The following CNTLN variants were observed in gnomAD, a reference collection of about 807,000 sequenced individuals.
CNTLN encodes centlein, also known as centlein, centrosomal protein.
A neutral mutation model predicts 180.0 loss-of-function variants in CNTLN; 212 were observed. The observed-to-expected ratio is 1.18, with a 90% CI of 1.05 to 1.32. The LOEUF (loss-of-function observed/expected upper bound fraction) is 1.32, where lower values mean the gene tolerates loss of function less well. CNTLN is among the 40% of genes most tolerant of loss of function. The pLI, the probability that CNTLN is intolerant of heterozygous loss-of-function variation, is 0.00. For missense variants in CNTLN, 2,095 were observed against 1,610.9 expected (o/e 1.30, Z -5.14); for synonymous variants, 722 against 563.1 (o/e 1.28, Z -3.99).
intron 15 of CNTLN, among the ~76,000 whole-genome samples, chr9:17,402,907 A>T (rs1416595514): frequency 6.6e-6 from 1 of 151,688 alleles, no homozygotes; most frequent in Non-Finnish European, 1.5e-5. Flanking sequence ...AAAGATATAT[A>T]CGTGCATGCA....
chr9:17,367,304 A>G, intron 13 of CNTLN, among the ~76,000 whole-genome samples: 1 of 152,200 alleles, frequency 6.6e-6, no homozygotes, highest in Admixed American at 6.5e-5. Flanking sequence ...GAGCATTTAG[A>G]CCAGACCTGT....
At chr9:17,337,203 A>G (rs1449830814) in intron 10 of CNTLN, among the ~76,000 whole-genome samples, 2 of 151,882 alleles carry the variant, frequency 1.3e-5, no homozygotes, top group Non-Finnish European at 2.9e-5. Context: ...TAGATTCTGG[A>G]TATTAGCCCT....
chr9:17,380,685 A>G (rs940610147), intron 13 of CNTLN, among the ~76,000 whole-genome samples: 5 of 152,198 alleles, frequency 3.3e-5, no homozygotes, highest in African/African-American at 1.2e-4. Flanking sequence ...CAAGTGCATG[A>G]ATATGTTCAC....
At chr9:17,470,502 A>T (rs936980112) in intron 23 of CNTLN, among the ~76,000 whole-genome samples, 4 of 151,894 alleles carry the variant, frequency 2.6e-5, no homozygotes, top group African/African-American at 9.7e-5. Flanking sequence ...ATAGGGCGCA[A>T]CCAGATTATG....
At chr9:17,238,579 A>G (rs1825296071) in intron 5 of CNTLN, among the ~76,000 whole-genome samples, 1 of 152,204 alleles carries the variant, frequency 6.6e-6, no homozygotes, top group Non-Finnish European at 1.5e-5. Flanking sequence ...ACAGAATCAT[A>G]TGCCTTTGTC....
At chr9:17,488,366 G>A (rs959340662) in intron 25 of CNTLN, among the ~76,000 whole-genome samples, 5 of 152,106 alleles carry the variant, frequency 3.3e-5, no homozygotes, top group Non-Finnish European at 5.9e-5. Flanking sequence ...GGTACTCCCA[G>A]AACCTAGCTC....
the CNTLN span, among the ~76,000 whole-genome samples, chr9:17,510,135 G>T: frequency 6.6e-6 from 1 of 152,100 alleles, no homozygotes; most frequent in Middle Eastern, 3.2e-3. Flanking sequence ...ATTCAGGACT[G>T]CTAATGGCCC....
intron 8 of CNTLN, among the ~76,000 whole-genome samples, chr9:17,323,954 C>T (rs1283512306): frequency 2.0e-5 from 3 of 152,080 alleles, no homozygotes; most frequent in Non-Finnish European, 4.4e-5. Flanking sequence ...CCTGGCTTCA[C>T]ATAAACACAG....
intron 18 of CNTLN, among the ~76,000 whole-genome samples, chr9:17,435,233 GTTGT>G (rs2134005182): frequency 6.6e-6 from 1 of 152,178 alleles, no homozygotes; most frequent in South Asian, 2.1e-4. Flanking sequence ...TTTTTTGGTT[GTTGT>G]TTGTTTCTAA....
chr9:17,465,988 C>T lies in CNTLN; in HGVS notation c.3539C>T (p.Thr1180Ile), dbSNP rs1246164605. 2 of 1,601,004 alleles carry T rather than the reference C, an allele frequency of 1.2e-6. No individual in the cohort carries two copies. Among genetic ancestry groups the T allele is most frequent in the South Asian group, 2.2e-5 (2 of 89,814 alleles). ...MLQNLDKKVK[T>I]LTEECSNKKV... ...TTTATGCTTTTAATGTAGGTAAAGA[C>T]ATTAACTGAAGAATGTTCCAACAAG... Residue 1180 changes from threonine (T) to isoleucine (I), a missense_variant, in exon 22 of 26, where the codon ACA becomes ATA. Thr to Ile is a moderately conservative substitution (Grantham distance 89). Transcript: ENST00000380647.
chr9:17,278,023 G>A (rs970372026), intron 6 of CNTLN, among the ~76,000 whole-genome samples: 5 of 152,050 alleles, frequency 3.3e-5, no homozygotes, highest in South Asian at 4.2e-4. Context: ...ATCCTGTGAC[G>A]GAAGCTGCCC....
chr9:17,504,429 A>T (rs566331552), downstream of CNTLN, among the ~76,000 whole-genome samples: 1 of 152,344 alleles, frequency 6.6e-6, no homozygotes, highest in East Asian at 1.9e-4. Context: ...TGATACCAAG[A>T]CTAAACAAAG....
the CNTLN span, among the ~76,000 whole-genome samples, chr9:17,513,355 T>C: frequency 1.3e-5 from 2 of 151,970 alleles, no homozygotes; most frequent in Non-Finnish European, 2.9e-5. Context: ...TCCAAAAGTG[T>C]TCATGTTAAA....
chr9:17,222,761 A>G (rs1824226751), intron 2 of CNTLN, among the ~76,000 whole-genome samples: 1 of 152,074 alleles, frequency 6.6e-6, no homozygotes, highest in Non-Finnish European at 1.5e-5. Flanking sequence ...AGCATTTGGT[A>G]TACTTGATCA....
chr9:17,391,278 A>G (rs1274355914), intron 14 of CNTLN, among the ~76,000 whole-genome samples: 1 of 152,146 alleles, frequency 6.6e-6, no homozygotes. Context: ...CTGGAATGAA[A>G]GTCTTCAAGG....
intron 8 of CNTLN, among the ~76,000 whole-genome samples, chr9:17,325,253 A>G (rs1358044537): frequency 3.4e-5 from 5 of 148,514 alleles, no homozygotes; most frequent in African/African-American, 1.2e-4. Flanking sequence ...GATTCAGCTA[A>G]CAATGTTTAC....
intron 13 of CNTLN, among the ~76,000 whole-genome samples, chr9:17,369,403 T>G (rs1824116057): frequency 6.6e-6 from 1 of 151,948 alleles, no homozygotes; most frequent in Non-Finnish European, 1.5e-5. Flanking sequence ...CAAGAAAACA[T>G]GACTTCATCA....
intron 2 of CNTLN, among the ~76,000 whole-genome samples, chr9:17,145,607 G>A (rs1443375998): frequency 6.6e-6 from 1 of 152,094 alleles, no homozygotes; most frequent in Non-Finnish European, 1.5e-5. Context: ...TATAAAGAAT[G>A]TCTACGTCCT....
intron 16 of CNTLN, among the ~76,000 whole-genome samples, chr9:17,412,853 G>A (rs1049917563): frequency 1.4e-4 from 21 of 151,980 alleles, no homozygotes; most frequent in Admixed American, 7.9e-4. Flanking sequence ...AAGCAATTAT[G>A]GACAGGCCTA....
Sources: allele counts gnomAD v4.1 joint callset (sites outside exome capture counted in the v4.1 genomes callset), GRCh38; gene constraint gnomAD v4.1.1; transcripts MANE v1.5; gene names NCBI Gene and HGNC (gene_info 2026-07-23, HGNC 2026-07-21).